FBXW7: variants seen among roughly 807,000 people sequenced by gnomAD.
FBXW7 encodes the protein F-box and WD repeat domain containing 7.
Under a neutral mutation model 86.3 loss-of-function variants are expected in FBXW7, and 11 were observed. The ratio of observed to expected loss-of-function variants is 0.13; its 90% CI spans 0.08 to 0.21. The LOEUF (loss-of-function observed/expected upper bound fraction) is 0.21. Among genes scored for constraint, FBXW7 ranks in the 10% least tolerant of loss-of-function variants. The pLI, the probability that FBXW7 is intolerant of heterozygous loss-of-function variation, is 1.00. For missense variants in FBXW7, 488 were observed against 847.4 expected, an observed-to-expected ratio of 0.58 and a Z score of 5.27; for synonymous variants, 313 against 297.9, an observed-to-expected ratio of 1.05 and a Z score of -0.52.
chr4:152,373,071 A>G (rs1427494542), intron 4 of FBXW7, among the ~76,000 whole-genome samples: 1 of 151,972 alleles, frequency 6.6e-6, no homozygotes, highest in Non-Finnish European at 1.5e-5. Flanking sequence ...AAACATTTGG[A>G]CACTAAGGGT....
intron 2 of FBXW7, among the ~76,000 whole-genome samples, chr4:152,533,002 C>T (rs1484412726): frequency 6.6e-6 from 1 of 152,190 alleles, no homozygotes; most frequent in Non-Finnish European, 1.5e-5. Flanking sequence ...GCCTGACCCA[C>T]ATGGTGAAAC....
intron 2 of FBXW7, among the ~76,000 whole-genome samples, chr4:152,499,690 G>GTGT (rs1746729189): frequency 6.6e-6 from 1 of 151,994 alleles, no homozygotes; most frequent in African/African-American, 2.4e-5. Flanking sequence ...CAGGACCACA[G>GTGT]GCTCACGCAG....
intron 2 of FBXW7, among the ~76,000 whole-genome samples, chr4:152,477,230 T>C (rs1744496990): frequency 6.6e-6 from 1 of 152,086 alleles, no homozygotes; most frequent in Non-Finnish European, 1.5e-5. Context: ...TCACAGTTCT[T>C]GACAATGGGA....
Position 152,532,858 on chromosome 4 carries a change from T to C in FBXW7, c.-120+2083A>G, listed in dbSNP as rs1355030857. On this transcript the variant is annotated intron_variant, in intron 2 of 13. Transcript: ENST00000281708. ...TCAAAGGCAGGGACCCCAAAAACTT[T>C]GTCATTTCTACCCAAACGTGCAATA... 2.6e-5 allele frequency among the ~76,000 whole-genome samples: 4 copies of C among 152,186 alleles called. No individual in the cohort carries two copies. The East Asian group carries it at 7.7e-4, about 29-fold the overall frequency.
At chr4:152,453,409 C>A (rs571594306) in intron 2 of FBXW7, among the ~76,000 whole-genome samples, 11 of 152,226 alleles carry the variant, frequency 7.2e-5, no homozygotes, top group African/African-American at 2.4e-4. Context: ...AACTCTGGTT[C>A]ATTCAGTCTA....
chr4:152,363,783 CTAT>C (rs1293653229), intron 4 of FBXW7, among the ~76,000 whole-genome samples: 2 of 152,002 alleles, frequency 1.3e-5, no homozygotes, highest in Non-Finnish European at 1.5e-5. Context: ...GCAGAAAGTA[CTAT>C]TATTATCTCT....
At chr4:152,426,885 A>C (rs1739436522) in intron 2 of FBXW7, among the ~76,000 whole-genome samples, 2 of 152,224 alleles carry the variant, frequency 1.3e-5, no homozygotes, top group Non-Finnish European at 2.9e-5. Flanking sequence ...GGCCACAAGA[A>C]ACTTGGGAAA....
intron 6 of FBXW7, among the ~76,000 whole-genome samples, chr4:152,341,458 C>G (rs1730731359): frequency 6.6e-6 from 1 of 152,208 alleles, no homozygotes; most frequent in Non-Finnish European, 1.5e-5. Context: ...CCACCTCATC[C>G]CCTTCTGACT....
chr4:152,459,373 C>T (rs1416949702), intron 2 of FBXW7, among the ~76,000 whole-genome samples: 1 of 152,232 alleles, frequency 6.6e-6, no homozygotes, highest in Non-Finnish European at 1.5e-5. Context: ...ACTACTCCAT[C>T]TCTTTGGAGC....
chr4:152,485,162 TAAAAGA>T (rs1394552803), intron 2 of FBXW7, among the ~76,000 whole-genome samples: 1 of 151,080 alleles, frequency 6.6e-6, no homozygotes, highest in Non-Finnish European at 1.5e-5. Flanking sequence ...TAAAAAAGAG[TAAAAGA>T]AAAACATATA....
At chr4:152,413,008 A>G (rs1738109810) in intron 2 of FBXW7, among the ~76,000 whole-genome samples, 1 of 152,114 alleles carries the variant, frequency 6.6e-6, no homozygotes, top group Non-Finnish European at 1.5e-5. Flanking sequence ...TGGTATCTAT[A>G]TGGACATCTT....
intron 2 of FBXW7, among the ~76,000 whole-genome samples, chr4:152,434,622 C>A (rs1383409164): frequency 6.6e-6 from 1 of 152,122 alleles, no homozygotes; most frequent in Non-Finnish European, 1.5e-5. Flanking sequence ...GTATCAAGAC[C>A]TATGCCATTC....
At chr4:152,344,673 C>T (rs1437138562) in intron 6 of FBXW7, among the ~76,000 whole-genome samples, 1 of 151,806 alleles carries the variant, frequency 6.6e-6, no homozygotes, top group East Asian at 1.9e-4. Context: ...AACAAGCAAA[C>T]GGTGTACAAT....
intron 4 of FBXW7, 151 bp downstream of exon 4, chr4:152,411,152 T>C (rs1737913712): frequency 2.6e-6 from 3 of 1,174,724 alleles, no homozygotes; most frequent in South Asian, 2.2e-5. Flanking sequence ...ATACTTTCCA[T>C]TACCTTCTGT....
intron 2 of FBXW7, among the ~76,000 whole-genome samples, chr4:152,438,203 GT>G (rs1740559867): frequency 6.6e-6 from 1 of 152,098 alleles, no homozygotes; most frequent in Admixed American, 6.5e-5. Flanking sequence ...GTATTTTTTA[GT>G]TAAGGTATGC....
At chr4:152,454,562 CA>C (rs1172360340) in intron 2 of FBXW7, among the ~76,000 whole-genome samples, 1 of 151,244 alleles carries the variant, frequency 6.6e-6, no homozygotes, top group Non-Finnish European at 1.5e-5. Flanking sequence ...GAACTGAATG[CA>C]AAAAAAATTT....
chr4:152,523,144 T>C (rs1356704602), intron 2 of FBXW7, among the ~76,000 whole-genome samples: 3 of 152,198 alleles, frequency 2.0e-5, no homozygotes, highest in Non-Finnish European at 4.4e-5. Context: ...AAACTAACAT[T>C]TATTAAGGAT....
At chr4:152,461,668 T>C (rs1452416365) in intron 2 of FBXW7, among the ~76,000 whole-genome samples, 1 of 152,254 alleles carries the variant, frequency 6.6e-6, no homozygotes, top group Admixed American at 6.5e-5. Context: ...AAATGAGTCA[T>C]ATTTCCACTT....
chr4:152,460,802 C>T (rs973445099), intron 2 of FBXW7, among the ~76,000 whole-genome samples: 1 of 152,100 alleles, frequency 6.6e-6, no homozygotes, highest in African/African-American at 2.4e-5. Context: ...ATACTTTCCA[C>T]CAAAGTTGTG....
Sources: allele counts gnomAD v4.1 joint callset (sites outside exome capture counted in the v4.1 genomes callset), GRCh38; gene constraint gnomAD v4.1.1; transcripts MANE v1.5; gene names NCBI Gene and HGNC (gene_info 2026-07-23, HGNC 2026-07-21).